Variants in ADD1 observed in about 807,000 individuals in gnomAD.
ADD1 encodes the protein adducin 1, also known as alpha-adducin.
Under a neutral mutation model 80.5 loss-of-function variants are expected in ADD1, and 24 were observed. The ratio of observed to expected loss-of-function variants is 0.30; its 90% CI spans 0.22 to 0.42. The LOEUF (loss-of-function observed/expected upper bound fraction) is 0.42, where lower values mean the gene tolerates loss of function less well. ADD1 is among the 10% of genes least tolerant of loss of function. ADD1 has a pLI of 1.00. For missense variants in ADD1, 948 were observed against 1,019.0 expected (o/e 0.93, Z 0.95); for synonymous variants, 373 against 393.8 (o/e 0.95, Z 0.63).
chr4:2,902,956 G>A (rs1736423421), intron 9 of ADD1: 1 of 152,030 alleles, frequency 6.6e-6, no homozygotes, highest in African/African-American at 2.4e-5. Context: ...AACCTGGGAG[G>A]CGGAGGTTGC....
At chr4:2,887,639 A>G (rs1733605853) in intron 4 of ADD1, 1 of 152,062 alleles carries the variant, frequency 6.6e-6, no homozygotes, top group South Asian at 2.1e-4. Context: ...AGAGAATGCT[A>G]AGCCTCTGAG....
At chr4:2,859,839 G>A (rs896621272) in intron 1 of ADD1, among the ~76,000 whole-genome samples, 4 of 151,740 alleles carry the variant, frequency 2.6e-5, no homozygotes, top group African/African-American at 9.7e-5. Flanking sequence ...CAGCAGCTGC[G>A]TTATTCATAA....
Position 2,928,652 on chromosome 4 carries a change from C to A in ADD1, c.*129C>A. 1 of 989,334 alleles carries A rather than the reference C, an allele frequency of 1.0e-6. No individual in the cohort carries two copies. Among genetic ancestry groups the A allele is most frequent in the Non-Finnish European group, 1.5e-6 (1 of 663,402 alleles). The allele number at this position is 989,334 out of a possible 1,614,324, so 61.3% of individuals were successfully genotyped here. A position where few individuals can be genotyped will look rare whatever the true frequency, so the allele number is the denominator to read the frequency against. On this transcript the variant is annotated 3_prime_UTR_variant, in exon 16 of 16. Coordinates refer to ENST00000683351, the MANE Select transcript of ADD1 (RefSeq NM_001354761.2). ...AGCCCTCCGCCTAGAGGTCCCCTCA[C>A]GTGACCAGCCCCGTGTAGCCCCGGG...
At chr4:2,856,672 A>C (rs1026807587) in intron 1 of ADD1, among the ~76,000 whole-genome samples, 1 of 146,204 alleles carries the variant, frequency 6.8e-6, no homozygotes, top group African/African-American at 2.5e-5. Flanking sequence ...GCTCACTGCA[A>C]CCTCCACCTC....
intron 1 of ADD1, among the ~76,000 whole-genome samples, chr4:2,851,055 T>C (rs1368303045): frequency 2.0e-5 from 3 of 152,210 alleles, no homozygotes; most frequent in African/African-American, 7.2e-5. Flanking sequence ...TAAAACTCTG[T>C]ATACTTCATT....
chr4:2,879,399 GTATGTATATCCTTAGTGTCTAAA>G (rs1352363931), intron 2 of ADD1, among the ~76,000 whole-genome samples: 1 of 152,166 alleles, frequency 6.6e-6, no homozygotes, highest in Non-Finnish European at 1.5e-5. Flanking sequence ...TTATTTATCA[GTATGTATATCCTTAGTGTCTAAA>G]ACAGCGCCTG....
intron 12 of ADD1, chr4:2,908,910 T>G: frequency 4.2e-6 from 2 of 475,896 alleles, no homozygotes; most frequent in South Asian, 2.2e-5. Context: ...CAGCGTTCTG[T>G]GTAAGGCGCT....
rs1028258058 is a variant in ADD1, at chr4:2,921,449, T to C, written c.1949-4565T>C. Among the ~76,000 whole-genome samples, 7 of 152,358 alleles carry C rather than the reference T, an allele frequency of 4.6e-5. No individual in the cohort carries two copies. The East Asian group carries it at 1.3e-3, about 29-fold the overall frequency. ...GGCCGAAAATTCTTTTCTTTAAGAA[T>C]GTTGAATATTGGCCCCCACTCTCTT... On this transcript the variant is annotated intron_variant, in intron 14 of 15. Transcript: ENST00000683351.
Position 2,926,049 on chromosome 4 carries a change from A to T in ADD1, c.1984A>T (p.Ser662Cys). The T allele has an allele frequency of 6.2e-7, 1 of 1,614,180 alleles. No homozygotes were observed. Among genetic ancestry groups the T allele is most frequent in the Non-Finnish European group, 8.5e-7 (1 of 1,180,016 alleles). ...LDEAREQKEK[S>C]PPDQPAVPHP... ...CGAGGCTAGAGAACAGAAAGAAAAG[A>T]GTCCTCCAGACCAGCCTGCGGTCCC... Residue 662 changes from serine (S) to cysteine (C), a missense_variant, in exon 15 of 16, where the codon AGT becomes TGT. Transcript: ENST00000683351. The surrounding 1 kb of genome is among the most constrained non-coding windows in gnomAD (Gnocchi z 5.0).
In ADD1 at chr4:2,928,403, G is replaced by A. The variant is rs757313489; in HGVS notation, c.2280G>A (p.Glu760=). The change falls in exon 16 of 16, where the codon GAG becomes GAA. Residue 760 remains glutamate, a synonymous_variant. Coordinates refer to ENST00000683351, the MANE Select transcript of ADD1 (RefSeq NM_001354761.2). ...VAEEAAPSAV[E]EGAAADPGSD... The stretch of plus-strand genomic sequence containing the variant: ...AAGAGGCTGCCCCCTCAGCTGTCGA[G>A]GAGGGGGCCGCCGCGGACCCTGGCA... 1 of 1,613,154 alleles carries A rather than the reference G, an allele frequency of 6.2e-7. No homozygotes were observed. Among genetic ancestry groups the A allele is most frequent in the East Asian group, 2.2e-5 (1 of 44,868 alleles).
intron 13 of ADD1, among the ~76,000 whole-genome samples, chr4:2,911,288 C>T (rs1192293469): frequency 6.6e-6 from 1 of 152,110 alleles, no homozygotes. Flanking sequence ...ATTTCTCCCT[C>T]ACTGGTGATG....
chr4:2,898,418 C>T lies in ADD1; in HGVS notation c.886-15C>T. 6.2e-7 allele frequency: 1 copy of T among 1,614,136 alleles called. No homozygotes were observed. Among genetic ancestry groups the T allele is most frequent in the Non-Finnish European group, 8.5e-7 (1 of 1,179,962 alleles). On this transcript the variant is annotated splice_polypyrimidine_tract_variant and intron_variant, in intron 7 of 15. Coordinates refer to ENST00000683351, the MANE Select transcript of ADD1 (RefSeq NM_001354761.2). Reference sequence around the variant, plus strand: ...TTCCTGCCCAGCTCCACAGAGCATTCATGCTTCCCCTCAGGTTCTTATTCT... The same window carrying T: ...TTCCTGCCCAGCTCCACAGAGCATTTATGCTTCCCCTCAGGTTCTTATTCT...
intron 2 of ADD1, 166 bp from the exon 3 acceptor site, chr4:2,881,732 A>G (rs1392173409): frequency 1.5e-5 from 7 of 463,208 alleles, no homozygotes; most frequent in Non-Finnish European, 2.6e-5. Context: ...ACTTTCTAGA[A>G]AAGAATGTAC....
intron 1 of ADD1, among the ~76,000 whole-genome samples, chr4:2,865,604 T>C (rs1729433020): frequency 6.6e-6 from 1 of 152,250 alleles, no homozygotes; most frequent in Non-Finnish European, 1.5e-5. Flanking sequence ...TATTAAATTC[T>C]GTCAAAACTG....
At chr4:2,871,100 C>T (rs1482930846) in intron 1 of ADD1, among the ~76,000 whole-genome samples, 1 of 151,868 alleles carries the variant, frequency 6.6e-6, no homozygotes, top group Admixed American at 6.6e-5. Flanking sequence ...TCCCGAGTAG[C>T]TGGGACTACA....
chr4:2,914,766 C>A, intron 13 of ADD1, 118 bp from the exon 14 acceptor site: 1 of 1,220,664 alleles, frequency 8.2e-7, no homozygotes, highest in South Asian at 1.5e-5. Context: ...AGTGCAGTCT[C>A]AGGGGTCTCT....
At chr4:2,889,469 TAAAAG>T (rs1170838173) in intron 4 of ADD1, among the ~76,000 whole-genome samples, 2 of 152,102 alleles carry the variant, frequency 1.3e-5, no homozygotes, top group Non-Finnish European at 2.9e-5. Flanking sequence ...TCACTTATCG[TAAAAG>T]AAAAGATGGA....
In ADD1 at chr4:2,852,230, C is replaced by CTTT. The variant is rs1553815333; in HGVS notation, c.-21+8206_-21+8207insTTT. ...TTCCTTTCCTTTCTTTCCTTTCTTT[C>CTTT]CTTTCTTTCTTTCTTTCTCTTTCTT... On this transcript the variant is annotated intron_variant, in intron 1 of 15. Transcript: ENST00000683351. Among the ~76,000 whole-genome samples the CTTT allele has an allele frequency of 5.0e-5, 6 of 120,344 alleles. No individual in the cohort carries two copies. In the East Asian group the frequency reaches 1.0e-3, roughly 21 times the overall value. 79.0% of individuals were successfully genotyped at this position (120,344 alleles called of 152,430 possible). A position where few individuals can be genotyped will look rare whatever the true frequency, so the allele number is the denominator to read the frequency against.
chr4:2,913,715 A>G lies in ADD1; in HGVS notation c.1792-1169A>G, dbSNP rs538566235. On this transcript the variant is annotated intron_variant, in intron 13 of 15. Transcript: ENST00000683351. ...GCTTGAGGAGCGGTCGGCCTGTGTGAGTTGAATTTCCCGAGTCAGCCCAGC... is the reference window on the plus strand; with the variant it reads ...GCTTGAGGAGCGGTCGGCCTGTGTGGGTTGAATTTCCCGAGTCAGCCCAGC... 2.0e-5 allele frequency among the ~76,000 whole-genome samples: 3 copies of G among 151,932 alleles called. No homozygotes were observed. In the South Asian group the frequency reaches 6.2e-4, roughly 32 times the overall value.
Sources: gnomAD v4.1 joint callset for allele counts (sites outside exome capture counted in the v4.1 genomes callset) on GRCh38, gnomAD v4.1.1 for gene constraint, Gnocchi (gnomAD v3.1) non-coding constraint, MANE v1.5 for transcripts, NCBI Gene and HGNC (gene_info 2026-07-23, HGNC 2026-07-21) for gene names.